Variants in SLC35G2 observed in about 807,000 individuals in gnomAD.
The protein encoded by SLC35G2 is solute carrier family 35 member G2.
A neutral mutation model predicts 27.2 loss-of-function variants in SLC35G2; 20 were observed. The ratio of observed to expected loss-of-function variants is 0.74; its 90% CI spans 0.52 to 1.07. The LOEUF (loss-of-function observed/expected upper bound fraction) is 1.07, where lower values mean the gene tolerates loss of function less well. Among genes scored for constraint, SLC35G2 ranks in the 50% least tolerant of loss-of-function variants. The probability of loss-of-function intolerance (pLI) is 0.00; values close to 1 mark genes in which losing one functional copy is unlikely to be tolerated. For missense variants in SLC35G2, 416 were observed against 493.3 expected (o/e 0.84, Z 1.48); for synonymous variants, 148 against 165.3 (o/e 0.90, Z 0.80).
chr3:136,829,324 C>T (rs902271525), intron 1 of SLC35G2, among the ~76,000 whole-genome samples: 16 of 151,992 alleles, frequency 1.1e-4, no homozygotes, highest in South Asian at 4.2e-4. Flanking sequence ...CGGGTTCAAG[C>T]GATTCTCCTG....
At chr3:136,853,308 C>G (rs1468205404) in intron 1 of SLC35G2, among the ~76,000 whole-genome samples, 1 of 152,022 alleles carries the variant, frequency 6.6e-6, no homozygotes, top group Non-Finnish European at 1.5e-5. Flanking sequence ...GTTGGCCAGG[C>G]TGGCCAACTC....
intron 1 of SLC35G2, chr3:136,842,102 T>C (rs1039423546): frequency 3.9e-5 from 6 of 152,194 alleles, no homozygotes; most frequent in African/African-American, 1.4e-4. Flanking sequence ...CTACTTTTAA[T>C]ATATTAACAT....
At chr3:136,854,348 C>T in intron 1 of SLC35G2, 95 bp from the exon 2 acceptor site, 1 of 818,302 alleles carries the variant, frequency 1.2e-6, no homozygotes, top group Non-Finnish European at 1.9e-6. Flanking sequence ...GTTACAGCCT[C>T]TACTTTCTAT....
intron 1 of SLC35G2, among the ~76,000 whole-genome samples, chr3:136,849,795 T>C (rs1417260543): frequency 6.6e-6 from 1 of 150,890 alleles, no homozygotes; most frequent in Non-Finnish European, 1.5e-5. Context: ...ACCTGGCCCA[T>C]TGTTAGTTTT....
chr3:136,855,712 T>A lies in SLC35G2; in HGVS notation c.*13T>A. ...TCCCATTAAATGAATACCTGATTAT[T>A]ATTGTCTCATTAATGTTCAGTTATT... On this transcript the variant is annotated 3_prime_UTR_variant, in exon 2 of 2. Coordinates refer to ENST00000446465, the MANE Select transcript of SLC35G2 (RefSeq NM_025246.3). 1 of 1,553,112 alleles carries A rather than the reference T, an allele frequency of 6.4e-7. No individual in the cohort carries two copies. The highest frequency in any genetic ancestry group is 8.8e-7 in the Non-Finnish European group (1 of 1,136,718).
intron 1 of SLC35G2, among the ~76,000 whole-genome samples, chr3:136,830,337 C>T (rs1936697506): frequency 6.6e-6 from 1 of 151,982 alleles, no homozygotes; most frequent in African/African-American, 2.4e-5. Flanking sequence ...AGCTGGAGTG[C>T]AGTGGCGCCA....
intron 1 of SLC35G2, chr3:136,820,486 C>T (rs1052643367): frequency 1.3e-5 from 2 of 152,178 alleles, no homozygotes; most frequent in African/African-American, 4.8e-5. Flanking sequence ...GAACATAACC[C>T]GAAAGCAAAT....
At chr3:136,834,577 G>A (rs1212287688) in intron 1 of SLC35G2, among the ~76,000 whole-genome samples, 1 of 152,096 alleles carries the variant, frequency 6.6e-6, no homozygotes, top group Non-Finnish European at 1.5e-5. Context: ...TGATCAGCCC[G>A]CCTTGGCCTC....
chr3:136,848,356 T>C (rs987043006), intron 1 of SLC35G2, among the ~76,000 whole-genome samples: 4 of 152,186 alleles, frequency 2.6e-5, no homozygotes, highest in African/African-American at 9.7e-5. Flanking sequence ...TGGTGGCTTA[T>C]GCTTATAATC....
chr3:136,837,977 G>A (rs1030302777), intron 1 of SLC35G2: 1 of 151,728 alleles, frequency 6.6e-6, no homozygotes, highest in Non-Finnish European at 1.5e-5. Flanking sequence ...TATACAGCTG[G>A]GACTACAGGC....
chr3:136,823,140 T>G (rs1430309629), intron 1 of SLC35G2, among the ~76,000 whole-genome samples: 1 of 152,230 alleles, frequency 6.6e-6, no homozygotes, highest in East Asian at 1.9e-4. Context: ...GTAGTTTTGA[T>G]TTGCATTTTT....
rs377590176 is a variant in SLC35G2 at position 136,854,716 on chromosome 3, G to A, written c.256G>A (p.Glu86Lys). ...PPPTEDPMIN[E>K]IGQFQSFAEK... ...ACCAACAGAAGACCCAATGATCAAT[G>A]AGATTGGACAATTCCAGAGCTTTGC... Residue 86 changes from glutamate (E) to lysine (K), a missense_variant, in exon 2 of 2, where the codon GAG becomes AAG. Coordinates refer to ENST00000446465, the MANE Select transcript of SLC35G2 (RefSeq NM_025246.3). The A allele has an allele frequency of 8.1e-6, 13 of 1,614,022 alleles. No homozygotes were observed. The African/African-American group carries it at 1.7e-4, about 22-fold the overall frequency.
chr3:136,838,096 G>GA (rs1268101245), intron 1 of SLC35G2: 1 of 151,814 alleles, frequency 6.6e-6, no homozygotes, highest in Non-Finnish European at 1.5e-5. Context: ...TCTGCCTCCC[G>GA]AAGTGTTAGG....
At position 136,855,586 on chromosome 3, in the gene SLC35G2, T is replaced by C. The variant is rs755876953; in HGVS notation, c.1126T>C (p.Phe376Leu). 3 of 1,614,096 alleles carry C rather than the reference T, an allele frequency of 1.9e-6. No homozygotes were observed. In the South Asian group the frequency reaches 3.3e-5, roughly 18 times the overall value. Residue 376 changes from phenylalanine to leucine, a missense_variant, in exon 2 of 2, where the codon TTT becomes CTT. Transcript: ENST00000446465. ...CATATTTCCTAGCATCTATGATGTT[T>C]TTGGAGGGGTAATCATTATGATTAG... ...LHIFPSIYDV[F>L]GGVIIMISVF...
chr3:136,839,677 T>C (rs1404195172), intron 1 of SLC35G2, among the ~76,000 whole-genome samples: 1 of 152,152 alleles, frequency 6.6e-6, no homozygotes, highest in African/African-American at 2.4e-5. Context: ...TCTGCTCTTA[T>C]TTATTTCTTT....
At chr3:136,821,988 A>G (rs1936468607) in intron 1 of SLC35G2, among the ~76,000 whole-genome samples, 1 of 152,100 alleles carries the variant, frequency 6.6e-6, no homozygotes, top group South Asian at 2.1e-4. Flanking sequence ...GTTGGTACAT[A>G]GGTATATATA....
At chr3:136,834,032 G>A (rs1355587700) in intron 1 of SLC35G2, among the ~76,000 whole-genome samples, 1 of 151,718 alleles carries the variant, frequency 6.6e-6, no homozygotes, top group African/African-American at 2.4e-5. Context: ...GTTAATATAT[G>A]TATATATTTA....
chr3:136,819,537 C>G lies in SLC35G2; in HGVS notation c.-110C>G, dbSNP rs1936391903. Reference sequence around the variant, plus strand: ...TACGGCCCGGTTTCCCGTTTCTTTCCGCTGTCGCGTGTCTGGGCCCTCCTG... The same window carrying G: ...TACGGCCCGGTTTCCCGTTTCTTTCGGCTGTCGCGTGTCTGGGCCCTCCTG... On this transcript the variant is annotated 5_prime_UTR_variant, in exon 1 of 2. Coordinates refer to ENST00000446465, the MANE Select transcript of SLC35G2 (RefSeq NM_025246.3). 1 of 81,056 alleles carries G rather than the reference C, an allele frequency of 1.2e-5. No individual in the cohort carries two copies. The highest frequency in any genetic ancestry group is 1.5e-4 in the Admixed American group (1 of 6,700). 5.0% of individuals were successfully genotyped at this position (81,056 alleles called of 1,614,324 possible). A position where few individuals can be genotyped will look rare whatever the true frequency, so the allele number is the denominator to read the frequency against.
At chr3:136,838,620 T>G (rs1936966926) in intron 1 of SLC35G2, 1 of 152,198 alleles carries the variant, frequency 6.6e-6, no homozygotes, top group Non-Finnish European at 1.5e-5. Context: ...AACTGATTCA[T>G]TTGGTATATT....
Sources: gnomAD v4.1 joint callset for allele counts (sites outside exome capture counted in the v4.1 genomes callset) on GRCh38, gnomAD v4.1.1 for gene constraint, MANE v1.5 for transcripts, NCBI Gene and HGNC (gene_info 2026-07-23, HGNC 2026-07-21) for gene names.